CNGB3: variants seen among roughly 807,000 people sequenced by gnomAD.
CNGB3 encodes cyclic nucleotide-gated channel beta-3.
Under a neutral mutation model 92.8 loss-of-function variants are expected in CNGB3, and 86 were observed. That is an observed-to-expected ratio of 0.93 (90% CI 0.78 to 1.11). CNGB3 has a LOEUF of 1.11. Ranked by LOEUF, CNGB3 falls within the 50% of genes least tolerant of loss-of-function variation. The pLI, the probability that CNGB3 is intolerant of heterozygous loss-of-function variation, is 0.00. For synonymous variants in CNGB3, 333 were observed against 332.7 expected, an observed-to-expected ratio of 1.00 and a Z score of -0.01; for missense variants, 1,026 against 956.8, an observed-to-expected ratio of 1.07 and a Z score of -0.95.
chr8:86,577,680 T>C (rs1821685246), intron 17 of CNGB3, among the ~76,000 whole-genome samples: 2 of 152,210 alleles, frequency 1.3e-5, no homozygotes, highest in Non-Finnish European at 2.9e-5. Context: ...TATTGATTCA[T>C]TATATTGAAC....
rs547226755 is a variant in CNGB3, at chr8:86,704,786, C to G, written c.338+21745G>C. Reference sequence around the variant, plus strand: ...TAATCTAAATTGAATTCTTTAGGCTCTCTTTTCATCTGACTGTCATTTTTA... The same window carrying G: ...TAATCTAAATTGAATTCTTTAGGCTGTCTTTTCATCTGACTGTCATTTTTA... On this transcript the variant is annotated intron_variant, in intron 3 of 17. Coordinates refer to ENST00000320005, the MANE Select transcript of CNGB3 (RefSeq NM_019098.5). Among the ~76,000 whole-genome samples, 6 of 152,302 alleles carry G rather than the reference C, an allele frequency of 3.9e-5. No individual in the cohort carries two copies. In the South Asian group the frequency reaches 1.2e-3, roughly 32 times the overall value.
chr8:86,742,472 T>C (rs911521260), intron 1 of CNGB3, among the ~76,000 whole-genome samples: 2 of 152,156 alleles, frequency 1.3e-5, no homozygotes, highest in Non-Finnish European at 2.9e-5. Context: ...CCACGGCCCA[T>C]GTTAAATAGT....
At chr8:86,651,712 T>G (rs548844690) in intron 7 of CNGB3, among the ~76,000 whole-genome samples, 1 of 151,922 alleles carries the variant, frequency 6.6e-6, no homozygotes, top group Non-Finnish European at 1.5e-5. Flanking sequence ...ACAGAGATAA[T>G]TTATTTCTCA....
intron 3 of CNGB3, among the ~76,000 whole-genome samples, chr8:86,695,933 C>A (rs1011658414): frequency 6.6e-6 from 1 of 152,024 alleles, no homozygotes; most frequent in Non-Finnish European, 1.5e-5. Context: ...ATCCAGCCAC[C>A]CAGTAGGGCT....
chr8:86,602,834 C>T (rs906114789), intron 15 of CNGB3, among the ~76,000 whole-genome samples: 1 of 152,090 alleles, frequency 6.6e-6, no homozygotes, highest in Non-Finnish European at 1.5e-5. Context: ...ATTCTTTTGC[C>T]TAAAACCCTC....
At chr8:86,738,220 G>T (rs948056280) in intron 2 of CNGB3, among the ~76,000 whole-genome samples, 2 of 151,992 alleles carry the variant, frequency 1.3e-5, no homozygotes, top group Non-Finnish European at 2.9e-5. Context: ...TTTGGTTAGG[G>T]GGTAGTGTTC....
chr8:86,611,468 T>A (rs1822518501), intron 14 of CNGB3, 120 bp downstream of exon 14: 1 of 759,638 alleles, frequency 1.3e-6, no homozygotes, highest in Non-Finnish European at 2.4e-6. Context: ...TATATCATAA[T>A]TATTTCTATA....
At chr8:86,715,347 C>A (rs575037605) in intron 3 of CNGB3, among the ~76,000 whole-genome samples, 1 of 152,260 alleles carries the variant, frequency 6.6e-6, no homozygotes, top group South Asian at 2.1e-4. Context: ...GCTGAGAGAC[C>A]TGAAGACGGA....
intron 15 of CNGB3, among the ~76,000 whole-genome samples, chr8:86,600,184 C>G (rs903273093): frequency 6.6e-6 from 1 of 152,166 alleles, no homozygotes; most frequent in Non-Finnish European, 1.5e-5. Flanking sequence ...TAGTAATTGC[C>G]AGATCCAAAG....
At chr8:86,676,549 AAAAG>A (rs1232266192) in intron 3 of CNGB3, among the ~76,000 whole-genome samples, 1 of 152,198 alleles carries the variant, frequency 6.6e-6, no homozygotes, top group Non-Finnish European at 1.5e-5. Context: ...GAATAATTAA[AAAAG>A]AAAGAAGATA....
At chr8:86,690,362 T>G (rs1824287369) in intron 3 of CNGB3, among the ~76,000 whole-genome samples, 1 of 152,240 alleles carries the variant, frequency 6.6e-6, no homozygotes, top group Admixed American at 6.5e-5. Context: ...AATGTCTTCT[T>G]TTGAGAAGTG....
chr8:86,676,174 G>T (rs547178157), intron 3 of CNGB3, among the ~76,000 whole-genome samples: 1 of 152,186 alleles, frequency 6.6e-6, no homozygotes, highest in Non-Finnish European at 1.5e-5. Context: ...TGCACGCAGG[G>T]ATAACATATT....
chr8:86,574,426 GA>G lies in CNGB3; in HGVS notation c.*1377del, dbSNP rs1243680441. On this transcript the variant is annotated 3_prime_UTR_variant, in exon 18 of 18. Transcript: ENST00000320005. ...ATTTGTCCATATTCCCTTAAATCCTGAAAAAACCAACCATCCTTTAGTAAAA... is the reference window on the plus strand; with the variant it reads ...ATTTGTCCATATTCCCTTAAATCCTGAAAAACCAACCATCCTTTAGTAAAA... 6.6e-5 allele frequency: 10 copies of G among 151,978 alleles called. No individual in the cohort carries two copies. The highest frequency in any genetic ancestry group is 6.6e-4 in the Admixed American group (10 of 15,246). The allele number at this position is 151,978 out of a possible 1,614,324, so 9.4% of individuals were successfully genotyped here.
At position 86,575,884 on chromosome 8, in the gene CNGB3, G is replaced by A. The variant is rs750535143; in HGVS notation, c.2350C>T (p.Leu784Phe). 8.1e-6 allele frequency: 13 copies of A among 1,613,202 alleles called. No individual in the cohort carries two copies. The highest frequency in any genetic ancestry group is 1.1e-5 in the Non-Finnish European group (13 of 1,179,850). ...VLPRGTSRQS[L>F]IISMAPSAEG... ...GCAGAAGGAGCCATGCTGATAATGA[G>A]TGATTGACGAGAAGTCCCTCTGGGT... Residue 784 changes from leucine (L) to phenylalanine (F), a missense_variant, in exon 18 of 18, where the codon CTC becomes TTC. Coordinates refer to ENST00000320005, the MANE Select transcript of CNGB3 (RefSeq NM_019098.5).
chr8:86,579,564 T>G (rs1821722600), intron 15 of CNGB3, among the ~76,000 whole-genome samples: 2 of 152,060 alleles, frequency 1.3e-5, no homozygotes, highest in Non-Finnish European at 2.9e-5. Flanking sequence ...ATCCCTCATT[T>G]GCTCCTTCAG....
At chr8:86,698,498 C>T (rs1038900825) in intron 3 of CNGB3, among the ~76,000 whole-genome samples, 5 of 152,184 alleles carry the variant, frequency 3.3e-5, no homozygotes, top group African/African-American at 7.2e-5. Context: ...TTCCTTGCTC[C>T]ATTCCCTCGC....
Position 86,644,646 on chromosome 8 carries a change from A to G in CNGB3, c.1031T>C (p.Ile344Thr). ...FFEFNHHLES[I>T]MDKAYIYRVI... Reference sequence around the variant, plus strand: ...CCTGTAGATATATGCTTTGTCCATTATAGACTCTAGGTGATGATTAAATTC... The same window carrying G: ...CCTGTAGATATATGCTTTGTCCATTGTAGACTCTAGGTGATGATTAAATTC... The change falls in exon 9 of 18, where the codon ATA becomes ACA. Residue 344 changes from isoleucine to threonine, a missense_variant. Ile to Thr is a moderately conservative substitution (Grantham distance 89). Coordinates refer to ENST00000320005, the MANE Select transcript of CNGB3 (RefSeq NM_019098.5). 6.3e-7 allele frequency: 1 copy of G among 1,599,614 alleles called. No homozygotes were observed. Among genetic ancestry groups the G allele is most frequent in the African/African-American group, 1.3e-5 (1 of 74,424 alleles).
intron 6 of CNGB3, among the ~76,000 whole-genome samples, chr8:86,664,999 A>G (rs984744694): frequency 5.3e-5 from 8 of 152,236 alleles, no homozygotes; most frequent in African/African-American, 1.9e-4. Context: ...GAATATGAAC[A>G]ATGTGGCTGA....
chr8:86,678,034 C>T (rs1273390074), intron 3 of CNGB3, among the ~76,000 whole-genome samples: 1 of 151,682 alleles, frequency 6.6e-6, no homozygotes, highest in African/African-American at 2.4e-5. Context: ...TTTTTAAAAC[C>T]CACTATTTCT....
Sources: allele counts gnomAD v4.1 joint callset (sites outside exome capture counted in the v4.1 genomes callset), GRCh38; gene constraint gnomAD v4.1.1; transcripts MANE v1.5; gene names NCBI Gene and HGNC (gene_info 2026-07-23, HGNC 2026-07-21).